Variants in KHDRBS2 observed in about 807,000 individuals in gnomAD.
The protein encoded by KHDRBS2 is KH RNA binding domain containing, signal transduction associated 2.
KHDRBS2 carries 26 observed loss-of-function variants against 44.3 expected under a neutral mutation model. The ratio of observed to expected loss-of-function variants is 0.59; its 90% CI spans 0.43 to 0.81. The LOEUF is 0.81. KHDRBS2 is among the 40% of genes least tolerant of loss of function. KHDRBS2 has a pLI of 0.00. For synonymous variants in KHDRBS2, 194 were observed against 151.1 expected, an observed-to-expected ratio of 1.28 and a Z score of -2.08; for missense variants, 476 against 433.1, an observed-to-expected ratio of 1.10 and a Z score of -0.88.
At chr6:61,806,854 G>C (rs1244418552) in intron 6 of KHDRBS2, among the ~76,000 whole-genome samples, 1 of 151,770 alleles carries the variant, frequency 6.6e-6, no homozygotes, top group East Asian at 1.9e-4. Context: ...ATATATTAAT[G>C]ATGTACAACA....
At chr6:61,638,456 A>G in the KHDRBS2 span, among the ~76,000 whole-genome samples, 7 of 152,026 alleles carry the variant, frequency 4.6e-5, no homozygotes, top group Admixed American at 6.6e-5. Context: ...CTAGCCATAT[A>G]TAGAAAGCTG....
chr6:61,717,833 C>T (rs1771703918), intron 7 of KHDRBS2, among the ~76,000 whole-genome samples: 1 of 151,946 alleles, frequency 6.6e-6, no homozygotes, highest in Non-Finnish European at 1.5e-5. Flanking sequence ...ATGCAGATAG[C>T]TCCCTATTTT....
intron 3 of KHDRBS2, among the ~76,000 whole-genome samples, chr6:61,996,617 G>C (rs2127254527): frequency 6.6e-6 from 1 of 152,238 alleles, no homozygotes; most frequent in South Asian, 2.1e-4. Context: ...ACTTTCTCCA[G>C]TTCAGGCACT....
intron 6 of KHDRBS2, among the ~76,000 whole-genome samples, chr6:61,837,262 T>C (rs1792840597): frequency 6.6e-6 from 1 of 152,052 alleles, no homozygotes; most frequent in African/African-American, 2.4e-5. Context: ...AAAGTGTTCA[T>C]TATTGTTTCA....
intron 6 of KHDRBS2, among the ~76,000 whole-genome samples, chr6:61,862,921 C>T (rs508965): frequency 0.57 from 86,496 of 151,598 alleles, 24,822 homozygotes; most frequent in South Asian, 0.68. Context: ...GTCCCTCTGG[C>T]AATATTCATC....
At chr6:61,687,162 C>T (rs1428981707) in intron 8 of KHDRBS2, among the ~76,000 whole-genome samples, 1 of 151,772 alleles carries the variant, frequency 6.6e-6, no homozygotes. Flanking sequence ...GGGTGACCAG[C>T]ATCTCTTTTC....
intron 3 of KHDRBS2, among the ~76,000 whole-genome samples, chr6:62,031,895 T>C (rs1784400714): frequency 6.6e-6 from 1 of 151,988 alleles, no homozygotes; most frequent in Non-Finnish European, 1.5e-5. Flanking sequence ...ACATAGGCAG[T>C]AGCCAAAAAG....
chr6:62,062,199 G>A (rs1792119674), intron 2 of KHDRBS2, among the ~76,000 whole-genome samples: 4 of 148,702 alleles, frequency 2.7e-5, no homozygotes, highest in South Asian at 2.2e-4. Context: ...ACACCCCACT[G>A]TCAACATTAG....
intron 6 of KHDRBS2, among the ~76,000 whole-genome samples, chr6:61,782,689 GTATATATATATATA>G (rs70993182): frequency 0.021 from 2,286 of 110,984 alleles, 58 homozygotes; most frequent in Middle Eastern, 0.053. Flanking sequence ...TAAAGGTTGT[GTATATATATATATA>G]TATATATATA....
chr6:61,905,990 G>C (rs902032513), intron 4 of KHDRBS2, among the ~76,000 whole-genome samples: 84 of 150,430 alleles, frequency 5.6e-4, no homozygotes, highest in African/African-American at 2.0e-3. Context: ...TGAGATTACC[G>C]GTGCCCACCA....
chr6:61,890,007 A>G (rs781530866), intron 6 of KHDRBS2, among the ~76,000 whole-genome samples: 12 of 152,042 alleles, frequency 7.9e-5, no homozygotes, highest in Non-Finnish European at 1.8e-4. Context: ...CTAACTGCCC[A>G]TTTTCTGGAA....
At chr6:62,107,612 C>T (rs1373031701) in intron 2 of KHDRBS2, among the ~76,000 whole-genome samples, 2 of 152,070 alleles carry the variant, frequency 1.3e-5, no homozygotes, top group Non-Finnish European at 2.9e-5. Flanking sequence ...TCATATGGAA[C>T]CAAAAAAGAG....
At chr6:61,720,399 G>A (rs1177092382) in intron 7 of KHDRBS2, among the ~76,000 whole-genome samples, 4 of 152,078 alleles carry the variant, frequency 2.6e-5, no homozygotes, top group African/African-American at 7.2e-5. Flanking sequence ...CACCAACAGT[G>A]TAAAAGTGTT....
At position 62,062,388 on chromosome 6, in the gene KHDRBS2, C is replaced by T. The variant is rs896596722; in HGVS notation, c.220-14394G>A. 4.7e-3 allele frequency among the ~76,000 whole-genome samples: 680 copies of T among 144,832 alleles called. 7 individuals carry two copies. Among genetic ancestry groups the T allele is most frequent in the African/African-American group, 0.016 (619 of 39,506 alleles). On this transcript the variant is annotated intron_variant, in intron 2 of 8. Transcript: ENST00000281156. ...ACCACATACTTGGAAGTAAAGCTCT[C>T]CTCAGCAAATGTAAAAGAACAGAAA...
At chr6:61,733,864 C>T (rs1774900012) in intron 6 of KHDRBS2, among the ~76,000 whole-genome samples, 1 of 151,676 alleles carries the variant, frequency 6.6e-6, no homozygotes, top group African/African-American at 2.4e-5. Context: ...TCTGGAAAAA[C>T]CTTCAGGTTT....
At chr6:61,722,725 T>C (rs1362415441) in intron 7 of KHDRBS2, among the ~76,000 whole-genome samples, 1 of 151,944 alleles carries the variant, frequency 6.6e-6, no homozygotes, top group African/African-American at 2.4e-5. Flanking sequence ...ATTTTTTTTT[T>C]TTTAGATGGA....
intron 6 of KHDRBS2, among the ~76,000 whole-genome samples, chr6:61,892,557 C>T (rs369283810): frequency 1.4e-4 from 21 of 152,160 alleles, no homozygotes; most frequent in Non-Finnish European, 2.6e-4. Context: ...AACAGAGATA[C>T]AGACCAATGG....
At chr6:61,605,574 C>G in the KHDRBS2 span, among the ~76,000 whole-genome samples, 1 of 152,080 alleles carries the variant, frequency 6.6e-6, no homozygotes, top group African/African-American at 2.4e-5. Context: ...AAACCATATC[C>G]AGGCCATCAC....
chr6:62,028,667 G>A (rs561533927), intron 3 of KHDRBS2, among the ~76,000 whole-genome samples: 3 of 152,050 alleles, frequency 2.0e-5, no homozygotes, highest in Admixed American at 2.0e-4. Context: ...ATCATATTTG[G>A]TTTTTATACA....
Sources: gnomAD v4.1 joint callset for allele counts (sites outside exome capture counted in the v4.1 genomes callset) on GRCh38, gnomAD v4.1.1 for gene constraint, MANE v1.5 for transcripts, NCBI Gene and HGNC (gene_info 2026-07-23, HGNC 2026-07-21) for gene names.